Variants in MIS18A observed in about 807,000 individuals in gnomAD.
The protein encoded by MIS18A is protein Mis18-alpha.
Under a neutral mutation model 25.0 loss-of-function variants are expected in MIS18A, and 14 were observed. The ratio of observed to expected loss-of-function variants is 0.56; its 90% CI spans 0.37 to 0.88. The LOEUF is 0.88. MIS18A is among the 40% of genes least tolerant of loss of function. The probability of loss-of-function intolerance (pLI) is 0.00; values close to 1 mark genes in which losing one functional copy is unlikely to be tolerated. For missense variants in MIS18A, 292 were observed against 290.8 expected, an observed-to-expected ratio of 1.00 and a Z score of -0.03; for synonymous variants, 134 against 118.6, an observed-to-expected ratio of 1.13 and a Z score of -0.84.
chr21:32,231,870 G>A, the MIS18A span, among the ~76,000 whole-genome samples: 9 of 151,948 alleles, frequency 5.9e-5, no homozygotes, highest in African/African-American at 1.5e-4. Context: ...CCAAGATTGC[G>A]CCACTGCACT....
the MIS18A span, among the ~76,000 whole-genome samples, chr21:32,176,958 T>C: frequency 1.3e-5 from 2 of 152,006 alleles, no homozygotes; most frequent in African/African-American, 4.8e-5. Flanking sequence ...GAAAATTACA[T>C]TCCATGGGTT....
At chr21:32,196,697 G>A in the MIS18A span, among the ~76,000 whole-genome samples, 28 of 151,998 alleles carry the variant, frequency 1.8e-4, no homozygotes, top group Admixed American at 4.6e-4. Flanking sequence ...CAAATGATCC[G>A]CCCGCCTTGG....
the MIS18A span, among the ~76,000 whole-genome samples, chr21:32,216,976 C>T: frequency 6.6e-6 from 1 of 152,156 alleles, no homozygotes; most frequent in Non-Finnish European, 1.5e-5. Context: ...ATTTACAAAA[C>T]AAACAGCAAG....
At chr21:32,217,689 T>TA in the MIS18A span, among the ~76,000 whole-genome samples, 1 of 151,868 alleles carries the variant, frequency 6.6e-6, no homozygotes, top group Admixed American at 6.6e-5. Context: ...TGTCAAAAGA[T>TA]AAAAAGAGAA....
At chr21:32,240,117 G>A in the MIS18A span, among the ~76,000 whole-genome samples, 2 of 152,350 alleles carry the variant, frequency 1.3e-5, no homozygotes, top group South Asian at 2.1e-4. Flanking sequence ...ACAGTGCTGC[G>A]AACGTTGCAT....
chr21:32,261,889 A>T, the MIS18A span, among the ~76,000 whole-genome samples: 6 of 152,258 alleles, frequency 3.9e-5, no homozygotes, highest in East Asian at 1.2e-3. Flanking sequence ...AGGGAAAGGA[A>T]CTCATGCTGA....
chr21:32,191,467 C>T, the MIS18A span, among the ~76,000 whole-genome samples: 1 of 152,290 alleles, frequency 6.6e-6, no homozygotes, highest in Admixed American at 6.5e-5. Context: ...TGGTGCAAGC[C>T]TGTAGTCCTA....
At position 32,274,834 on chromosome 21, in the gene MIS18A, C is replaced by A. The variant is rs539170410; in HGVS notation, c.397G>T (p.Gly133Cys). The change falls in exon 2 of 5, where the codon GGT (glycine) becomes TGT (cysteine). Residue 133 changes from glycine (G) to cysteine (C), a missense_variant. Coordinates refer to ENST00000290130, the MANE Select transcript of MIS18A (RefSeq NM_018944.3). The stretch of plus-strand genomic sequence containing the variant: ...TATAAATACAGTTTTACTCACCAAC[C>A]ATTTTCCTTTTCACGTTTGGATAGC... Reference protein sequence around the residue: ...QKLSKREKENGCVLETLCCAG... With the variant: ...QKLSKREKENCCVLETLCCAG... The A allele has an allele frequency of 6.2e-7, 1 of 1,610,698 alleles. No homozygotes were observed. Among genetic ancestry groups the A allele is most frequent in the Non-Finnish European group, 8.5e-7 (1 of 1,177,554 alleles).
chr21:32,220,469 C>T, the MIS18A span, among the ~76,000 whole-genome samples: 3 of 152,108 alleles, frequency 2.0e-5, no homozygotes, highest in East Asian at 5.8e-4. Context: ...AAACCCCATC[C>T]GAAGGTCACC....
the MIS18A span, among the ~76,000 whole-genome samples, chr21:32,208,858 G>A: frequency 0.098 from 14,902 of 152,222 alleles, 849 homozygotes; most frequent in South Asian, 0.19. Context: ...CTGAGTAGGC[G>A]GAGCCAGGTC....
chr21:32,230,256 A>T, the MIS18A span, among the ~76,000 whole-genome samples: 1 of 152,206 alleles, frequency 6.6e-6, no homozygotes, highest in Non-Finnish European at 1.5e-5. Flanking sequence ...AGTATATCAA[A>T]ATATACTATA....
the MIS18A span, among the ~76,000 whole-genome samples, chr21:32,262,038 G>A: frequency 8.5e-5 from 13 of 152,370 alleles, no homozygotes; most frequent in African/African-American, 3.1e-4. Flanking sequence ...CTCAGAGTGA[G>A]GGAAGAAGGC....
chr21:32,265,472 T>C (rs540090619), downstream of MIS18A, among the ~76,000 whole-genome samples: 2,273 of 152,306 alleles, frequency 0.015, 30 homozygotes, highest in Non-Finnish European at 0.023. Flanking sequence ...ACTTAGCACC[T>C]GGGCCAGTGG....
At chr21:32,191,453 A>G in the MIS18A span, among the ~76,000 whole-genome samples, 1 of 152,142 alleles carries the variant, frequency 6.6e-6, no homozygotes, top group Non-Finnish European at 1.5e-5. Context: ...TTAGCCAGGC[A>G]TTGTGGTGCA....
At chr21:32,237,279 TGA>T in the MIS18A span, among the ~76,000 whole-genome samples, 1 of 152,148 alleles carries the variant, frequency 6.6e-6, no homozygotes, top group Non-Finnish European at 1.5e-5. Context: ...TCATGCAGCA[TGA>T]GAGAGAAACA....
the MIS18A span, among the ~76,000 whole-genome samples, chr21:32,255,351 G>A: frequency 6.6e-6 from 1 of 151,276 alleles, no homozygotes; most frequent in African/African-American, 2.4e-5. Context: ...CTGCCTCAGC[G>A]TCCTGAGTAG....
At chr21:32,257,687 T>G in the MIS18A span, among the ~76,000 whole-genome samples, 1 of 152,176 alleles carries the variant, frequency 6.6e-6, no homozygotes, top group Non-Finnish European at 1.5e-5. Context: ...TTTCTACAGA[T>G]GAGGAAACCT....
the MIS18A span, chr21:32,156,408 A>G: frequency 9.2e-5 from 14 of 152,306 alleles, no homozygotes; most frequent in African/African-American, 3.4e-4. Context: ...AAGTACTCAC[A>G]GTTTTTGCCA....
chr21:32,235,002 C>A, the MIS18A span, among the ~76,000 whole-genome samples: 1 of 152,154 alleles, frequency 6.6e-6, no homozygotes, highest in Non-Finnish European at 1.5e-5. Flanking sequence ...TTCATTCTTT[C>A]CTCTCCTCTC....
Sources: allele counts gnomAD v4.1 joint callset (sites outside exome capture counted in the v4.1 genomes callset), GRCh38; gene constraint gnomAD v4.1.1; transcripts MANE v1.5; gene names NCBI Gene and HGNC (gene_info 2026-07-23, HGNC 2026-07-21).